CENPF: variants seen among roughly 807,000 people sequenced by gnomAD.
CENPF encodes the protein centromere protein F, also known as AH antigen.
Under a neutral mutation model 307.3 loss-of-function variants are expected in CENPF, and 214 were observed. The ratio of observed to expected loss-of-function variants is 0.70; its 90% CI spans 0.62 to 0.78. The LOEUF is 0.78. CENPF is among the 30% of genes least tolerant of loss of function. CENPF has a pLI of 0.00. For synonymous variants in CENPF, 1,259 were observed against 1,270.6 expected, an observed-to-expected ratio of 0.99 and a Z score of 0.19; for missense variants, 3,401 against 3,483.9, an observed-to-expected ratio of 0.98 and a Z score of 0.60.
In CENPF at chr1:214,644,984, A is replaced by G. The variant is rs774125110; in HGVS notation, c.5414A>G (p.Lys1805Arg). ...GTTGAAAGTTTGCTAAATGAAATGAAAGAATTAGACTCAAAACTCCATTTA... is the reference window on the plus strand; with the variant it reads ...GTTGAAAGTTTGCTAAATGAAATGAGAGAATTAGACTCAAAACTCCATTTA... ...RKVESLLNEM[K>R]ELDSKLHLQE... Residue 1805 changes from lysine to arginine, a missense_variant, in exon 13 of 20, where the codon AAA becomes AGA. Lys to Arg is a conservative substitution (Grantham distance 26). Transcript: ENST00000366955. 6.2e-7 allele frequency: 1 copy of G among 1,613,158 alleles called. No individual in the cohort carries two copies. The highest frequency in any genetic ancestry group is 1.1e-5 in the South Asian group (1 of 90,910).
At chr1:214,624,336 CTG>C (rs1657595226) in intron 7 of CENPF, among the ~76,000 whole-genome samples, 1 of 151,896 alleles carries the variant, frequency 6.6e-6, no homozygotes, top group Non-Finnish European at 1.5e-5. Context: ...CTGAAAGAGA[CTG>C]TGTAGAATTT....
At position 214,645,024 on chromosome 1, in the gene CENPF, A is replaced by G. The variant is rs1465543810; in HGVS notation, c.5454A>G (p.Leu1818=). 2 of 1,613,856 alleles carry G rather than the reference A, an allele frequency of 1.2e-6. No homozygotes were observed. The highest frequency in any genetic ancestry group is 1.1e-5 in the South Asian group (1 of 91,022). ...AACTCCATTTACAGGAGGTACAACT[A>G]ATGACCAAAATTGAAGCATGCATAG... is the stretch of plus-strand genomic sequence containing the variant. ...DSKLHLQEVQ[L]MTKIEACIEL... The change falls in exon 13 of 20, where the codon CTA becomes CTG. Residue 1818 remains leucine, a synonymous_variant. Coordinates refer to ENST00000366955, the MANE Select transcript of CENPF (RefSeq NM_016343.4).
At chr1:214,621,008 C>A in intron 6 of CENPF, 62 bp downstream of exon 6, 1 of 1,481,502 alleles carries the variant, frequency 6.7e-7, no homozygotes, top group South Asian at 1.3e-5. Context: ...CAGGTGATTT[C>A]AGATATTTTT....
In CENPF at chr1:214,657,397, G is replaced by A. The variant is rs764674563; in HGVS notation, c.8950G>A (p.Val2984Ile). The change falls in exon 18 of 20, where the codon GTT (valine) becomes ATT (isoleucine). Residue 2984 changes from valine (V) to isoleucine (I), a missense_variant. By Grantham distance (29) the Val-to-Ile change is conservative (BLOSUM62 3). Transcript: ENST00000366955. ...TEFEPEGLPE[V>I]VKKGFADIPT... is the part of the protein sequence containing the mutation. ...GTTTGAGCCAGAGGGACTTCCAGAA[G>A]TTGTAAAGAAAGGTATGCCTAATTT... 2.5e-6 allele frequency: 4 copies of A among 1,604,770 alleles called. No individual in the cohort carries two copies. The highest frequency in any genetic ancestry group is 1.1e-5 in the South Asian group (1 of 90,866).
rs542186383 is a variant in CENPF, at chr1:214,636,684, C to T, written c.1447-1182C>T. 2.7e-4 allele frequency among the ~76,000 whole-genome samples: 41 copies of T among 152,222 alleles called. No individual in the cohort carries two copies. The South Asian group carries it at 7.7e-3, about 28-fold the overall frequency. On this transcript the variant is annotated intron_variant, in intron 10 of 19. Coordinates refer to ENST00000366955, the MANE Select transcript of CENPF (RefSeq NM_016343.4). ...GCAGCCTTCCAACACAGTATTGCCA[C>T]GGCCATCTGTTTTCTAACAGTGCAG...
In CENPF at chr1:214,620,836, T is replaced by TG. The variant is rs1277223368; in HGVS notation, c.756dup (p.Thr253AspfsTer15). ...TCTTACTTTTCTGGGGAACAAGAGG[T>TG]GACTCCAAGTCGATCAACTTTGCAA... On this transcript the variant is annotated frameshift_variant, in exon 6 of 20. Coordinates refer to ENST00000366955, the MANE Select transcript of CENPF (RefSeq NM_016343.4). LOFTEE classifies it high-confidence loss of function. The TG allele has an allele frequency of 3.7e-6, 6 of 1,614,190 alleles. No individual in the cohort carries two copies. The Admixed American group carries it at 6.7e-5, about 18-fold the overall frequency.
chr1:214,652,525 C>T (rs1419473891), intron 15 of CENPF, among the ~76,000 whole-genome samples: 5 of 149,024 alleles, frequency 3.4e-5, no homozygotes, highest in African/African-American at 1.2e-4. Flanking sequence ...CTCACTGCAG[C>T]CTCTGCCTCC....
At chr1:214,604,107 A>G (rs1332822275) in intron 1 of CENPF, among the ~76,000 whole-genome samples, 3 of 152,082 alleles carry the variant, frequency 2.0e-5, no homozygotes, top group Non-Finnish European at 4.4e-5. Context: ...GCCTTGGTAC[A>G]GTGCACGGGG....
chr1:214,661,048 C>T (rs60804269), intron 19 of CENPF, among the ~76,000 whole-genome samples: 2,947 of 152,226 alleles, frequency 0.019, 97 homozygotes, highest in African/African-American at 0.066. Context: ...AGTTTGCATG[C>T]GGCGTTCAGA....
At chr1:214,662,395 T>C (rs1458118583) in intron 19 of CENPF, among the ~76,000 whole-genome samples, 1 of 152,220 alleles carries the variant, frequency 6.6e-6, no homozygotes, top group Non-Finnish European at 1.5e-5. Flanking sequence ...GAAGTGAGCT[T>C]TCCTGGGATT....
At chr1:214,617,877 A>G (rs777026805) in intron 3 of CENPF, among the ~76,000 whole-genome samples, 8 of 152,158 alleles carry the variant, frequency 5.3e-5, no homozygotes, top group Non-Finnish European at 1.2e-4. Context: ...ATATATTCCA[A>G]TCCTCCAACT....
intron 19 of CENPF, among the ~76,000 whole-genome samples, chr1:214,661,657 G>A (rs989077620): frequency 4.6e-5 from 7 of 152,190 alleles, no homozygotes; most frequent in African/African-American, 1.7e-4. Context: ...GGGAGACAGC[G>A]CTTGTAGACC....
Position 214,632,940 on chromosome 1 carries a change from G to A in CENPF, c.1446+338G>A, listed in dbSNP as rs192387511. On this transcript the variant is annotated intron_variant, in intron 10 of 19. Transcript: ENST00000366955. ...CCCAGGGAGGTGGAAAGATGGGAAAGGAAGGAAGGGATTTTTTAAATGGAA... is the reference window on the plus strand; with the variant it reads ...CCCAGGGAGGTGGAAAGATGGGAAAAGAAGGAAGGGATTTTTTAAATGGAA... 1.4e-3 allele frequency among the ~76,000 whole-genome samples: 210 copies of A among 152,276 alleles called. 2 individuals are homozygous for A. The highest frequency in any genetic ancestry group is 4.9e-3 in the African/African-American group (203 of 41,564).
intron 1 of CENPF, chr1:214,605,677 A>G (rs1458165343): frequency 1.3e-6 from 2 of 1,583,194 alleles, no homozygotes; most frequent in East Asian, 4.5e-5. Flanking sequence ...TGCCGCCGCT[A>G]GGCGAGCTGG....
chr1:214,619,631 G>A (rs1300917700), intron 5 of CENPF, among the ~76,000 whole-genome samples: 3 of 152,158 alleles, frequency 2.0e-5, no homozygotes, highest in East Asian at 1.9e-4. Flanking sequence ...TTTTGTTCAC[G>A]TGTTATTTGC....
rs774981026 is a variant in CENPF, at chr1:214,646,583, T to C, written c.7013T>C (p.Val2338Ala). Residue 2338 changes from valine (V) to alanine (A), a missense_variant, in exon 13 of 20, where the codon GTG (valine) becomes GCG (alanine). Coordinates refer to ENST00000366955, the MANE Select transcript of CENPF (RefSeq NM_016343.4). Reference protein sequence around the residue: ...EHHADLLKGRVENLERELEIA... With the variant: ...EHHADLLKGRAENLERELEIA... ...CATGCAGATTTACTTAAGGGTAGAGTGGAGAACCTTGAAAGAGAGCTAGAG... is the reference window on the plus strand; with the variant it reads ...CATGCAGATTTACTTAAGGGTAGAGCGGAGAACCTTGAAAGAGAGCTAGAG... 15 of 1,613,882 alleles carry C rather than the reference T, an allele frequency of 9.3e-6. No homozygotes were observed. The highest frequency in any genetic ancestry group is 1.2e-5 in the Non-Finnish European group (14 of 1,179,996).
intron 1 of CENPF, chr1:214,608,660 C>T: frequency 6.2e-7 from 1 of 1,600,676 alleles, no homozygotes; most frequent in South Asian, 1.1e-5. Context: ...CCGGGTGCGC[C>T]CGAGGAGGCC....
intron 13 of CENPF, chr1:214,648,398 C>A: frequency 3.6e-6 from 2 of 554,678 alleles, no homozygotes; most frequent in Admixed American, 2.4e-5. Flanking sequence ...AAATTAATAC[C>A]TTTGTGAAAG....
chr1:214,646,888 A>C lies in CENPF; in HGVS notation c.7318A>C (p.Met2440Leu). The change falls in exon 13 of 20, where the codon ATG becomes CTG. Residue 2440 changes from methionine (M) to leucine (L), a missense_variant. By Grantham distance (15) the Met-to-Leu change is conservative. Coordinates refer to ENST00000366955, the MANE Select transcript of CENPF (RefSeq NM_016343.4). ...VQMKEKSSTA[M>L]EMLQTQLKEL... ...GATGAAAGAAAAATCAAGCACTGCC[A>C]TGGAGATGCTTCAAACACAATTAAA... 1 of 1,614,074 alleles carries C rather than the reference A, an allele frequency of 6.2e-7. No homozygotes were observed. The highest frequency in any genetic ancestry group is 8.5e-7 in the Non-Finnish European group (1 of 1,179,970).
Sources: gnomAD v4.1 joint callset for allele counts (sites outside exome capture counted in the v4.1 genomes callset) on GRCh38, gnomAD v4.1.1 for gene constraint, MANE v1.5 for transcripts, NCBI Gene and HGNC (gene_info 2026-07-23, HGNC 2026-07-21) for gene names.